Variants in NLRP4 observed in about 807,000 individuals in gnomAD.
NLRP4 encodes NLR family pyrin domain containing 4, also known as NACHT, LRR and PYD domains-containing protein 4.
NLRP4 carries 44 observed loss-of-function variants against 84.7 expected under a neutral mutation model. The ratio of observed to expected loss-of-function variants is 0.52; its 90% confidence interval spans 0.41 to 0.67. NLRP4 has a LOEUF of 0.67. NLRP4 is among the 30% of genes least tolerant of loss of function. The pLI is 0.00. For missense variants in NLRP4, 1,260 were observed against 1,219.4 expected (o/e 1.03, Z -0.50); for synonymous variants, 544 against 476.4 (o/e 1.14, Z -1.85).
chr19:55,844,673 G>A (rs894751504), intron 1 of NLRP4, among the ~76,000 whole-genome samples: 4 of 152,118 alleles, frequency 2.6e-5, no homozygotes, highest in African/African-American at 9.7e-5. Context: ...ACAGCTAATT[G>A]CATCTGCAAG....
intron 5 of NLRP4, among the ~76,000 whole-genome samples, chr19:55,864,869 A>T (rs1984893883): frequency 6.6e-6 from 1 of 152,058 alleles, no homozygotes; most frequent in African/African-American, 2.4e-5. Context: ...CTTTTTGATC[A>T]TTTCTATATC....
intron 2 of NLRP4, among the ~76,000 whole-genome samples, chr19:55,856,389 C>T (rs944419236): frequency 3.3e-5 from 5 of 152,114 alleles, no homozygotes; most frequent in African/African-American, 1.2e-4. Context: ...AGATAGACTC[C>T]ACTCCCCTTC....
intron 2 of NLRP4, among the ~76,000 whole-genome samples, chr19:55,853,791 T>C (rs111321439): frequency 4.8e-5 from 6 of 124,516 alleles, no homozygotes; most frequent in Non-Finnish European, 1.6e-5. Flanking sequence ...CTGTCTCTCT[T>C]TCTCTCTCTC....
intron 1 of NLRP4, among the ~76,000 whole-genome samples, chr19:55,837,607 A>AACACACACCACACACAC (rs1555805877): frequency 1.3e-5 from 2 of 151,580 alleles, no homozygotes; most frequent in African/African-American, 4.8e-5. Flanking sequence ...CAACCCTAAA[A>AACACACACCACACACAC]ACACACACAC....
Position 55,881,626 on chromosome 19 carries a change from G to T in NLRP4, c.*39G>T. On this transcript the variant is annotated 3_prime_UTR_variant, in exon 10 of 10. Coordinates refer to ENST00000301295, the MANE Select transcript of NLRP4 (RefSeq NM_134444.5). The stretch of plus-strand genomic sequence containing the variant: ...GGGCTCTGACTCGAACACCTGCAAA[G>T]GACAGGGACTGGGACCGTTACTTAC... The T allele has an allele frequency of 1.0e-6, 1 of 963,316 alleles. No individual in the cohort carries two copies. The highest frequency in any genetic ancestry group is 1.3e-5 in the South Asian group (1 of 74,216). 59.7% of individuals were successfully genotyped at this position (963,316 alleles called of 1,614,324 possible). A position where few individuals can be genotyped will look rare whatever the true frequency, so the allele number is the denominator to read the frequency against.
In NLRP4 at chr19:55,877,162, C is replaced by G. The variant is rs775968159; in HGVS notation, c.2692C>G (p.Leu898Val). The change falls in exon 8 of 10, where the codon CTT becomes GTT. Residue 898 changes from leucine (L) to valine (V), a missense_variant. Physicochemically the swap from Leu to Val is conservative, Grantham distance 32. Coordinates refer to ENST00000301295, the MANE Select transcript of NLRP4 (RefSeq NM_134444.5). The part of the protein sequence containing the change: ...LTHTDCRLEI[L>V]GLEECGLTST... ...GCATACGGATTGCCGCTTAGAGATT[C>G]TTGGGTGGGTATCGCCAAGCTCCTG... 8 of 1,613,204 alleles carry G rather than the reference C, an allele frequency of 5.0e-6. No individual in the cohort carries two copies. In the Admixed American group the frequency reaches 1.3e-4, roughly 27 times the overall value.
intron 7 of NLRP4, among the ~76,000 whole-genome samples, chr19:55,872,309 T>C (rs367586646): frequency 6.6e-6 from 1 of 152,206 alleles, no homozygotes; most frequent in African/African-American, 2.4e-5. Flanking sequence ...GGTAATAGGA[T>C]GACATGATCC....
intron 6 of NLRP4, among the ~76,000 whole-genome samples, chr19:55,870,387 C>A (rs73060181): frequency 6.6e-6 from 1 of 152,158 alleles, no homozygotes; most frequent in South Asian, 2.1e-4. Context: ...GAGGGCCGGA[C>A]GCGGTGGCTC....
At chr19:55,850,766 T>TGTCCGAGGCTGCGGTGTAATG in intron 1 of NLRP4, among the ~76,000 whole-genome samples, 1 of 132,076 alleles carries the variant, frequency 7.6e-6, no homozygotes, top group Non-Finnish European at 1.6e-5. Context: ...TGCGGTGTAA[T>TGTCCGAGGCTGCGGTGTAATG]TTCCGAGGCT....
At chr19:55,876,218 CAG>C (rs1985363606) in intron 7 of NLRP4, among the ~76,000 whole-genome samples, 1 of 152,130 alleles carries the variant, frequency 6.6e-6, no homozygotes, top group Non-Finnish European at 1.5e-5. Context: ...ATCACTGGTG[CAG>C]AGAGAGGATA....
Position 55,878,829 on chromosome 19 carries a change from A to G in NLRP4, c.2732A>G (p.Lys911Arg). The G allele has an allele frequency of 1.9e-6, 3 of 1,613,450 alleles. No individual in the cohort carries two copies. Among genetic ancestry groups the G allele is most frequent in the Non-Finnish European group, 2.5e-6 (3 of 1,179,610 alleles). Reference sequence around the variant, plus strand: ...TGTGGGTTAACGAGCACCTGCTGTAAGGATCTCGCGTCTGTTCTCACCTGC... The same window carrying G: ...TGTGGGTTAACGAGCACCTGCTGTAGGGATCTCGCGTCTGTTCTCACCTGC... ...EECGLTSTCC[K>R]DLASVLTCSK... The change falls in exon 9 of 10, where the codon AAG becomes AGG. Residue 911 changes from lysine (K) to arginine (R), a missense_variant. Around this residue, in one of 3 missense-constraint regions of NLRP4, gnomAD observed 544 missense variants for 531.7 expected, o/e 1.02. Transcript: ENST00000301295.
intron 2 of NLRP4, among the ~76,000 whole-genome samples, chr19:55,857,025 C>T (rs1984461274): frequency 6.6e-6 from 1 of 152,066 alleles, no homozygotes; most frequent in Non-Finnish European, 1.5e-5. Flanking sequence ...TATATAAATC[C>T]CTTGTTTATG....
At position 55,838,035 on chromosome 19, in the gene NLRP4, C is replaced by CCAAAAAAAAAAAAAAAAAA. The variant is rs59078329; in HGVS notation, c.-66+1101_-66+1102insCAAAAAAAAAAAAAAAAAA. Among the ~76,000 whole-genome samples, 4 of 132,722 alleles carry CCAAAAAAAAAAAAAAAAAA rather than the reference C, an allele frequency of 3.0e-5. 1 individual carries two copies. The highest frequency in any genetic ancestry group is 6.1e-5 in the African/African-American group (2 of 32,872). The allele number at this position is 132,722 out of a possible 152,430, so 87.1% of individuals were successfully genotyped here. On this transcript the variant is annotated intron_variant, in intron 1 of 9. Coordinates refer to ENST00000301295, the MANE Select transcript of NLRP4 (RefSeq NM_134444.5). ...TGGGTGACAGAATGAGACTCGGTCT[C>CCAAAAAAAAAAAAAAAAAA]AAGCTGGATGCAGTGGCTCACACCT...
intron 2 of NLRP4, among the ~76,000 whole-genome samples, chr19:55,853,852 T>C (rs112986671): frequency 0.024 from 3,168 of 134,262 alleles, 6 homozygotes; most frequent in African/African-American, 0.082. Flanking sequence ...GTTCTGTCTT[T>C]CTCTCTCTTC....
At chr19:55,856,999 G>A (rs1368341463) in intron 2 of NLRP4, among the ~76,000 whole-genome samples, 1 of 152,154 alleles carries the variant, frequency 6.6e-6, no homozygotes, top group African/African-American at 2.4e-5. Context: ...GTCCCTATAT[G>A]TGAAACCTAT....
intron 5 of NLRP4, 25 bp downstream of exon 5, chr19:55,862,184 C>T: frequency 6.4e-7 from 1 of 1,558,934 alleles, no homozygotes; most frequent in Non-Finnish European, 8.8e-7. Context: ...ATTGAGACCA[C>T]TGATTGGGTT....
chr19:55,852,443 A>G, intron 2 of NLRP4, 83 bp downstream of exon 2: 2 of 834,150 alleles, frequency 2.4e-6, no homozygotes, highest in Non-Finnish European at 3.8e-6. Context: ...CCTGTCTACA[A>G]CAGGACCTGA....
At position 55,836,921 on chromosome 19, in the gene NLRP4, TAGAC is replaced by T. The variant is rs748327121; in HGVS notation, c.-76_-73del. ...AACATGTAGGAGAAGCTGGAGAACA[TAGAC>T]AGGGATGAGGTAAGGGGGGGGACTT... On this transcript the variant is annotated 5_prime_UTR_variant, in exon 1 of 10. Transcript: ENST00000301295. 1.3e-5 allele frequency: 2 copies of T among 150,156 alleles called. No homozygotes were observed. The highest frequency in any genetic ancestry group is 3.0e-5 in the Non-Finnish European group (2 of 67,760). The allele number at this position is 150,156 out of a possible 1,614,324, so 9.3% of individuals were successfully genotyped here.
rs1984186986 is a variant in NLRP4, at chr19:55,852,102, G to A, written c.22G>A (p.Asp8Asn). The change falls in exon 2 of 10, where the codon GAT becomes AAT. Residue 8 changes from aspartate (D) to asparagine (N), a missense_variant. Physicochemically the swap from Asp to Asn is conservative, Grantham distance 23. This residue lies in a region of NLRP4 where 712 missense variants were observed against 669.2 expected (regional missense o/e 1.06). Coordinates refer to ENST00000301295, the MANE Select transcript of NLRP4 (RefSeq NM_134444.5). MAASFFSDFGLMWYLEEL... is the reference protein window; with the variant it reads MAASFFSNFGLMWYLEEL... ...AAAGATGGCAGCCTCTTTCTTCTCT[G>A]ATTTTGGTCTTATGTGGTATCTGGA... is the stretch of plus-strand genomic sequence containing the variant. The A allele has an allele frequency of 1.3e-6, 2 of 1,595,512 alleles. No individual in the cohort carries two copies. Among genetic ancestry groups the A allele is most frequent in the African/African-American group, 1.4e-5 (1 of 73,682 alleles).
Sources: allele counts gnomAD v4.1 joint callset (sites outside exome capture counted in the v4.1 genomes callset), GRCh38; gene constraint gnomAD v4.1.1; regional missense constraint gnomAD v4.1.1; transcripts MANE v1.5; gene names NCBI Gene and HGNC (gene_info 2026-07-23, HGNC 2026-07-21).